Variants in SOX5 observed in about 807,000 individuals in gnomAD.
SOX5 encodes SRY-box transcription factor 5, also known as transcription factor SOX-5.
SOX5 carries 9 observed loss-of-function variants against 92.0 expected under a neutral mutation model. The observed-to-expected ratio is 0.10, with a 90% CI of 0.06 to 0.17. SOX5 has a LOEUF of 0.17. Ranked by LOEUF, SOX5 falls within the 10% of genes least tolerant of loss-of-function variation. The pLI is 1.00. For synonymous variants in SOX5, 344 were observed against 336.3 expected (o/e 1.02, Z -0.25); for missense variants, 642 against 944.5 (o/e 0.68, Z 4.20).
intron 9 of SOX5, among the ~76,000 whole-genome samples, chr12:23,580,562 C>T (rs181984121): frequency 8.1e-4 from 123 of 152,034 alleles, no homozygotes; most frequent in African/African-American, 2.9e-3. Flanking sequence ...TTCATGTACA[C>T]ATGGTACAAG....
At chr12:24,077,529 C>G (rs972348069) in intron 4 of SOX5, among the ~76,000 whole-genome samples, 3 of 151,708 alleles carry the variant, frequency 2.0e-5, no homozygotes, top group African/African-American at 7.3e-5. Flanking sequence ...TTGCTTAAAA[C>G]GATCAAACCC....
chr12:23,783,089 A>G (rs1341892524), intron 3 of SOX5, among the ~76,000 whole-genome samples: 5 of 152,126 alleles, frequency 3.3e-5, no homozygotes, highest in African/African-American at 1.2e-4. Context: ...ATTGTCTCTT[A>G]TATCATGTTG....
chr12:23,775,000 C>T (rs553798045), intron 3 of SOX5, among the ~76,000 whole-genome samples: 67 of 151,976 alleles, frequency 4.4e-4, no homozygotes, highest in Non-Finnish European at 8.8e-4. Flanking sequence ...ATAGAATTTG[C>T]CTTAAAGCAG....
At chr12:23,690,003 CT>C (rs1033550950) in intron 6 of SOX5, among the ~76,000 whole-genome samples, 1 of 152,164 alleles carries the variant, frequency 6.6e-6, no homozygotes, top group Non-Finnish European at 1.5e-5. Context: ...AAACTGAGCC[CT>C]TTTCCATATG....
At chr12:23,658,924 A>G (rs1160178780) in intron 7 of SOX5, among the ~76,000 whole-genome samples, 1 of 152,154 alleles carries the variant, frequency 6.6e-6, no homozygotes, top group Non-Finnish European at 1.5e-5. Flanking sequence ...AAACAAACAA[A>G]AAACAGAAGC....
rs1446815950 is a variant in SOX5, at chr12:23,543,081, G to A, written c.1771+130C>T. The A allele has an allele frequency of 1.3e-5, 8 of 624,316 alleles. No individual in the cohort carries two copies. In the Admixed American group the frequency reaches 2.2e-4, roughly 17 times the overall value. 38.7% of individuals were successfully genotyped at this position (624,316 alleles called of 1,614,324 possible). On this transcript the variant is annotated intron_variant, in intron 13 of 14. Coordinates refer to ENST00000451604, the MANE Select transcript of SOX5 (RefSeq NM_006940.6). The stretch of plus-strand genomic sequence containing the variant: ...CATCACCAGAAGAAGCCTCAATGAT[G>A]ATGTTTATTTTCTGGATAAGCAAAT...
chr12:23,601,720 ATGTAT>A (rs2074517664), intron 9 of SOX5, among the ~76,000 whole-genome samples: 2 of 152,202 alleles, frequency 1.3e-5, no homozygotes, highest in Non-Finnish European at 2.9e-5. Context: ...AAGTAAATTC[ATGTAT>A]TGTAATGGGT....
intron 11 of SOX5, among the ~76,000 whole-genome samples, chr12:23,548,101 T>C (rs1943487289): frequency 6.6e-6 from 1 of 152,128 alleles, no homozygotes; most frequent in African/African-American, 2.4e-5. Context: ...CTTTGAGGAA[T>C]GTACGGGGCT....
chr12:23,989,177 C>A (rs1435485936), intron 4 of SOX5, among the ~76,000 whole-genome samples: 1 of 138,506 alleles, frequency 7.2e-6, no homozygotes, highest in African/African-American at 2.8e-5. Context: ...AGTTGGACAC[C>A]AGTCTGGCAA....
At chr12:23,692,795 T>G (rs1252968176) in intron 6 of SOX5, among the ~76,000 whole-genome samples, 1 of 152,204 alleles carries the variant, frequency 6.6e-6, no homozygotes, top group Non-Finnish European at 1.5e-5. Flanking sequence ...TCGCTGTGGT[T>G]ATGTCACTAT....
At position 24,263,536 on chromosome 12, in the gene SOX5, AAAAAC is replaced by A. The variant is rs1167700257; in HGVS notation, c.-77+13675_-77+13679del. ...GAGCGAGACTCCGTCTCAAAAAAAA[AAAAAC>A]AAAAAAAAAAACAAAAACAAGAAAT... On this transcript the variant is annotated intron_variant, in intron 3 of 4. Coordinates refer to the SOX5 transcript ENST00000446891. 3.6e-4 allele frequency among the ~76,000 whole-genome samples: 49 copies of A among 135,588 alleles called. 2 individuals carry two copies. Among genetic ancestry groups the A allele is most frequent in the Admixed American group, 6.4e-4 (9 of 14,014 alleles). The allele number at this position is 135,588 out of a possible 152,430, so 89.0% of individuals were successfully genotyped here.
chr12:23,831,593 C>A (rs1361518957), intron 3 of SOX5, among the ~76,000 whole-genome samples: 1 of 152,018 alleles, frequency 6.6e-6, no homozygotes, highest in African/African-American at 2.4e-5. Flanking sequence ...GCATTATTTG[C>A]ATTAGTTCTC....
intron 8 of SOX5, among the ~76,000 whole-genome samples, chr12:23,605,043 A>G (rs1341597120): frequency 6.6e-6 from 1 of 150,960 alleles, no homozygotes; most frequent in African/African-American, 2.4e-5. Context: ...GGAAAAAAGT[A>G]CTTGAAGAAG....
chr12:23,702,706 G>A (rs1188140604), intron 6 of SOX5, among the ~76,000 whole-genome samples: 4 of 151,912 alleles, frequency 2.6e-5, no homozygotes, highest in African/African-American at 9.7e-5. Flanking sequence ...CCACCAGTGA[G>A]CTAATCTTAT....
At chr12:23,621,401 A>C (rs972393534) in intron 8 of SOX5, among the ~76,000 whole-genome samples, 1 of 152,168 alleles carries the variant, frequency 6.6e-6, no homozygotes, top group Non-Finnish European at 1.5e-5. Flanking sequence ...CATTGTATAT[A>C]ATGCTACACA....
At chr12:24,047,275 C>A (rs1957134858) in intron 4 of SOX5, among the ~76,000 whole-genome samples, 1 of 152,118 alleles carries the variant, frequency 6.6e-6, no homozygotes, top group Non-Finnish European at 1.5e-5. Flanking sequence ...TTTTCCTGTT[C>A]TTTTAACAGA....
At chr12:24,397,791 T>C (rs143912968) in intron 1 of SOX5, among the ~76,000 whole-genome samples, 6 of 152,160 alleles carry the variant, frequency 3.9e-5, no homozygotes, top group East Asian at 1.9e-4. Context: ...CCCCTACACT[T>C]ATGAGTTGCA....
intron 9 of SOX5, among the ~76,000 whole-genome samples, chr12:23,598,895 G>A (rs1374599400): frequency 6.6e-6 from 1 of 152,102 alleles, no homozygotes; most frequent in Non-Finnish European, 1.5e-5. Flanking sequence ...AATCTCCTGT[G>A]AGAACTAATT....
At chr12:24,100,760 A>C (rs1190395887) in intron 4 of SOX5, among the ~76,000 whole-genome samples, 1 of 152,014 alleles carries the variant, frequency 6.6e-6, no homozygotes, top group Non-Finnish European at 1.5e-5. Context: ...AGCGCCCAGA[A>C]CTCTTGATTT....
Sources: allele counts gnomAD v4.1 joint callset (sites outside exome capture counted in the v4.1 genomes callset), GRCh38; gene constraint gnomAD v4.1.1; transcripts MANE v1.5; gene names NCBI Gene and HGNC (gene_info 2026-07-23, HGNC 2026-07-21).